The following ETV6 variants were observed in gnomAD, a reference collection of about 807,000 sequenced individuals.
ETV6 encodes the protein transcription factor ETV6.
A neutral mutation model predicts 51.1 loss-of-function variants in ETV6; 16 were observed. The observed-to-expected ratio is 0.31, with a 90% confidence interval of 0.21 to 0.48. The LOEUF (loss-of-function observed/expected upper bound fraction) is 0.48, where lower values mean the gene tolerates loss of function less well. Ranked by LOEUF, ETV6 falls within the 20% of genes least tolerant of loss-of-function variation. The probability of loss-of-function intolerance (pLI) is 0.99; values close to 1 mark genes in which losing one functional copy is unlikely to be tolerated. For synonymous variants in ETV6, 240 were observed against 224.1 expected (o/e 1.07, Z -0.64); for missense variants, 458 against 594.8 (o/e 0.77, Z 2.39).
intron 7 of ETV6, among the ~76,000 whole-genome samples, chr12:11,887,744 C>T (rs1215263742): frequency 7.4e-6 from 1 of 135,554 alleles, no homozygotes; most frequent in East Asian, 2.2e-4. Context: ...GAGACTCCAT[C>T]TCAAGAAAAA....
intron 5 of ETV6, among the ~76,000 whole-genome samples, chr12:11,870,540 AGAAACCAGTG>A (rs367547805): frequency 4.4e-4 from 67 of 152,288 alleles, no homozygotes; most frequent in African/African-American, 1.5e-3. Context: ...ACTTAAGGGA[AGAAACCAGTG>A]GAAACCAGTG....
chr12:11,853,376 T>C (rs1946585077), intron 3 of ETV6, 51 bp from the exon 4 acceptor site: 4 of 1,610,034 alleles, frequency 2.5e-6, no homozygotes, highest in Non-Finnish European at 3.4e-6. Flanking sequence ...TAGATCGTTG[T>C]TGGAAAAACA....
chr12:11,797,677 G>A (rs1187233155), intron 2 of ETV6, among the ~76,000 whole-genome samples: 3 of 152,144 alleles, frequency 2.0e-5, no homozygotes, highest in Admixed American at 6.5e-5. Context: ...GCCTGGTCCC[G>A]GAGTCTGGGT....
At chr12:11,750,231 G>GA (rs1865995348) in intron 1 of ETV6, among the ~76,000 whole-genome samples, 1 of 152,214 alleles carries the variant, frequency 6.6e-6, no homozygotes, top group Non-Finnish European at 1.5e-5. Context: ...CAGTTGAAAG[G>GA]AAGGTCCAAA....
intron 3 of ETV6, among the ~76,000 whole-genome samples, chr12:11,849,302 G>A (rs55877800): frequency 0.053 from 8,057 of 151,942 alleles, 318 homozygotes; most frequent in Non-Finnish European, 0.078. Flanking sequence ...GTAGAGATGG[G>A]GATCTCACTA....
intron 3 of ETV6, among the ~76,000 whole-genome samples, chr12:11,844,452 T>C (rs2136473338): frequency 6.6e-6 from 1 of 152,342 alleles, no homozygotes; most frequent in Non-Finnish European, 1.5e-5. Flanking sequence ...ACCTTTGTCT[T>C]TGGAAATATG....
At chr12:11,689,759 T>C (rs1423430232) in intron 1 of ETV6, among the ~76,000 whole-genome samples, 1 of 149,202 alleles carries the variant, frequency 6.7e-6, no homozygotes, top group Non-Finnish European at 1.5e-5. Context: ...CATTTCCCCC[T>C]GGGGCAGATT....
intron 1 of ETV6, among the ~76,000 whole-genome samples, chr12:11,684,396 TCTCTA>T (rs1404002696): frequency 1.3e-5 from 2 of 152,388 alleles, no homozygotes; most frequent in South Asian, 2.1e-4. Flanking sequence ...AGAAAGTCTT[TCTCTA>T]CTCTAAGGTC....
At chr12:11,766,851 G>A (rs759191126) in intron 2 of ETV6, among the ~76,000 whole-genome samples, 11 of 152,174 alleles carry the variant, frequency 7.2e-5, no homozygotes, top group South Asian at 2.1e-4. Flanking sequence ...GTGCTATTCC[G>A]GTCTTGGGAG....
intron 1 of ETV6, among the ~76,000 whole-genome samples, chr12:11,737,129 G>A (rs1865716228): frequency 6.6e-6 from 1 of 152,204 alleles, no homozygotes; most frequent in Admixed American, 6.5e-5. Context: ...CCAAGCTCCA[G>A]TGAACCATCA....
chr12:11,851,815 A>G (rs980542323), intron 3 of ETV6, among the ~76,000 whole-genome samples: 11 of 152,238 alleles, frequency 7.2e-5, no homozygotes, highest in Non-Finnish European at 1.5e-4. Context: ...ATCCCTTAGA[A>G]TAGGGTATCC....
intron 1 of ETV6, among the ~76,000 whole-genome samples, chr12:11,733,831 G>A (rs1865649263): frequency 6.6e-6 from 1 of 152,232 alleles, no homozygotes; most frequent in Non-Finnish European, 1.5e-5. Context: ...CGAAGCTGAT[G>A]CTGAGAGGTG....
At chr12:11,818,837 A>AG (rs1565538041) in intron 2 of ETV6, among the ~76,000 whole-genome samples, 1 of 151,890 alleles carries the variant, frequency 6.6e-6, no homozygotes, top group African/African-American at 2.4e-5. Flanking sequence ...CCTCCTCTGC[A>AG]GGCTCCCAGG....
At chr12:11,801,622 T>C (rs1565531496) in intron 2 of ETV6, among the ~76,000 whole-genome samples, 1 of 152,246 alleles carries the variant, frequency 6.6e-6, no homozygotes, top group Non-Finnish European at 1.5e-5. Context: ...ATTTCAATGA[T>C]ACCTTACGGT....
intron 1 of ETV6, among the ~76,000 whole-genome samples, chr12:11,677,261 TTC>T (rs1021500556): frequency 6.6e-6 from 1 of 152,128 alleles, no homozygotes; most frequent in African/African-American, 2.4e-5. Context: ...TGAGGAACCT[TTC>T]TCTCTCTCCT....
At chr12:11,856,682 CCTT>C (rs1337817980) in intron 4 of ETV6, among the ~76,000 whole-genome samples, 1 of 152,122 alleles carries the variant, frequency 6.6e-6, no homozygotes, top group Non-Finnish European at 1.5e-5. Context: ...TCTCTCTCTC[CCTT>C]CTTCTCCACT....
intron 2 of ETV6, among the ~76,000 whole-genome samples, chr12:11,837,149 C>T (rs1946329062): frequency 1.3e-5 from 2 of 152,172 alleles, no homozygotes; most frequent in African/African-American, 4.8e-5. Context: ...CTTCCCATAT[C>T]CATGGACTGT....
intron 1 of ETV6, among the ~76,000 whole-genome samples, chr12:11,732,602 G>T (rs1244691934): frequency 6.6e-6 from 1 of 152,152 alleles, no homozygotes; most frequent in Non-Finnish European, 1.5e-5. Flanking sequence ...CTGCCATCGT[G>T]CACTGTGTCG....
chr12:11,785,348 C>T (rs2136375924), intron 2 of ETV6, among the ~76,000 whole-genome samples: 1 of 152,312 alleles, frequency 6.6e-6, no homozygotes, highest in Admixed American at 6.5e-5. Flanking sequence ...TAGTAAACCT[C>T]ACCCCTTCAC....
Sources: gnomAD v4.1 joint callset for allele counts (sites outside exome capture counted in the v4.1 genomes callset) on GRCh38, gnomAD v4.1.1 for gene constraint, MANE v1.5 for transcripts, NCBI Gene and HGNC (gene_info 2026-07-23, HGNC 2026-07-21) for gene names.